Variants in BTAF1 observed in about 807,000 individuals in gnomAD.
BTAF1 encodes the protein B-TFIID TATA-box binding protein associated factor 1, also known as TATA-binding protein-associated factor 172.
BTAF1 carries 38 observed loss-of-function variants against 227.1 expected under a neutral mutation model. The ratio of observed to expected loss-of-function variants is 0.17; its 90% confidence interval spans 0.13 to 0.22. The LOEUF is 0.22. BTAF1 is among the 10% of genes least tolerant of loss of function. BTAF1 has a pLI of 1.00. For missense variants in BTAF1, 1,598 were observed against 2,204.0 expected (o/e 0.73, Z 5.51); for synonymous variants, 742 against 751.9 (o/e 0.99, Z 0.21).
rs763726970 is a variant in BTAF1, at chr10:92,018,783, G to T, written c.4711G>T (p.Ala1571Ser). ...ATATACTTTTTTTTTCCTCTTGAAG[G>T]CATTACAGTACTTACGTAAACTGTG... ...KLKATGHVFQ[A>S]LQYLRKLCNH... The change falls in exon 34 of 38, where the codon GCA becomes TCA. Residue 1571 changes from alanine to serine, a missense_variant and splice_region_variant. Coordinates refer to ENST00000265990, the MANE Select transcript of BTAF1 (RefSeq NM_003972.3). 1.3e-6 allele frequency: 2 copies of T among 1,530,070 alleles called. No homozygotes were observed. Among genetic ancestry groups the T allele is most frequent in the Admixed American group, 2.3e-5 (1 of 43,662 alleles). The allele number at this position is 1,530,070 out of a possible 1,614,324, so 94.8% of individuals were successfully genotyped here.
chr10:91,970,398 T>G (rs1260606290), intron 14 of BTAF1, among the ~76,000 whole-genome samples: 1 of 152,150 alleles, frequency 6.6e-6, no homozygotes, highest in African/African-American at 2.4e-5. Context: ...AGAAAGAGGT[T>G]TAATTGGACT....
chr10:91,924,457 T>C (rs927664588), intron 1 of BTAF1, among the ~76,000 whole-genome samples: 2 of 152,192 alleles, frequency 1.3e-5, no homozygotes, highest in African/African-American at 4.8e-5. Context: ...GAAAACTTGG[T>C]AGTTACTGTC....
intron 22 of BTAF1, 111 bp from the exon 23 acceptor site, chr10:91,994,424 A>G: frequency 1.5e-6 from 1 of 664,908 alleles, no homozygotes; most frequent in South Asian, 2.2e-5. Context: ...TTTTAACACT[A>G]AGAAGCAAAA....
chr10:92,003,417 G>T lies in BTAF1; in HGVS notation c.3661-4706G>T, dbSNP rs757044946. On this transcript the variant is annotated intron_variant, in intron 25 of 37. Transcript: ENST00000265990. ...TTCCCCTCAGTCCTCTCCCTTCCAC[G>T]CACTAAGCACCTAGTAACCACTATT... Among the ~76,000 whole-genome samples, 36 of 151,988 alleles carry T rather than the reference G, an allele frequency of 2.4e-4. 1 individual carries two copies. The highest frequency in any genetic ancestry group is 3.2e-4 in the Non-Finnish European group (22 of 67,988).
chr10:91,995,096 A>T (rs1010446631), intron 23 of BTAF1, among the ~76,000 whole-genome samples: 12 of 152,224 alleles, frequency 7.9e-5, no homozygotes, highest in Non-Finnish European at 1.3e-4. Flanking sequence ...GGATTTTTTT[A>T]AAAAACTATT....
At chr10:91,929,741 A>G (rs1425171170) in intron 1 of BTAF1, among the ~76,000 whole-genome samples, 1 of 151,998 alleles carries the variant, frequency 6.6e-6, no homozygotes, top group African/African-American at 2.4e-5. Context: ...TTTTTAATAG[A>G]GATGAGGTCT....
In BTAF1 at chr10:92,024,789, A is replaced by G. The variant is rs1283056880; in HGVS notation, c.4897A>G (p.Thr1633Ala). The G allele has an allele frequency of 2.0e-5, 32 of 1,610,546 alleles. No individual in the cohort carries two copies. The highest frequency in any genetic ancestry group is 2.7e-5 in the Non-Finnish European group (32 of 1,179,336). ...GGACTGCGGTTTGGGAAATGGCAGC[A>G]CTTCCGAGAGTGGCACAGAGTCTGT... ...LLDCGLGNGS[T>A]SESGTESVVA... is the part of the protein sequence containing the mutation. The change falls in exon 35 of 38, where the codon ACT becomes GCT. Residue 1633 changes from threonine (T) to alanine (A), a missense_variant. Thr to Ala is a moderately conservative substitution (Grantham distance 58). Transcript: ENST00000265990.
chr10:91,990,747 C>A (rs753309108), intron 20 of BTAF1, among the ~76,000 whole-genome samples: 9 of 151,656 alleles, frequency 5.9e-5, no homozygotes. Flanking sequence ...GAGCTGAGAT[C>A]GCGCCATTGT....
At chr10:91,942,680 T>G in intron 4 of BTAF1, 112 bp downstream of exon 4, 1 of 1,265,144 alleles carries the variant, frequency 7.9e-7, no homozygotes, top group South Asian at 1.6e-5. Context: ...GAAATGTAAA[T>G]TAACTGAAGT....
At position 91,980,578 on chromosome 10, in the gene BTAF1, G is replaced by A. The variant is rs377227167; in HGVS notation, c.1755+20G>A. 2 of 1,571,272 alleles carry A rather than the reference G, an allele frequency of 1.3e-6. No individual in the cohort carries two copies. Among genetic ancestry groups the A allele is most frequent in the Admixed American group, 1.7e-5 (1 of 59,450 alleles). On this transcript the variant is annotated intron_variant, in intron 15 of 37. Transcript: ENST00000265990. ...CACAAGGTACACAGCAAATGTATTT[G>A]TGTTCCTTTTCCTAGTAACTTTTGT...
intron 25 of BTAF1, among the ~76,000 whole-genome samples, chr10:92,007,222 T>TC (rs1312099054): frequency 4.4e-5 from 6 of 137,910 alleles, no homozygotes; most frequent in African/African-American, 1.6e-4. Flanking sequence ...TTTTTTTTTT[T>TC]TTTTTTTTTT....
At chr10:91,935,919 T>C in intron 2 of BTAF1, 139 bp downstream of exon 2, 1 of 869,694 alleles carries the variant, frequency 1.1e-6, no homozygotes, top group Non-Finnish European at 1.6e-6. Flanking sequence ...TCACAAGACT[T>C]AAACTTTTTT....
chr10:91,984,650 T>C (rs1848278684), intron 19 of BTAF1, among the ~76,000 whole-genome samples: 1 of 152,192 alleles, frequency 6.6e-6, no homozygotes, highest in African/African-American at 2.4e-5. Flanking sequence ...TAGAAAAAGC[T>C]ATTATATTTT....
chr10:92,001,159 A>T (rs1849501145), intron 25 of BTAF1, among the ~76,000 whole-genome samples: 1 of 152,232 alleles, frequency 6.6e-6, no homozygotes, highest in Non-Finnish European at 1.5e-5. Flanking sequence ...CTGGAGGCAT[A>T]GCACAGAGAA....
chr10:91,991,504 A>G (rs1848752923), intron 20 of BTAF1, among the ~76,000 whole-genome samples: 1 of 150,360 alleles, frequency 6.7e-6, no homozygotes, highest in Admixed American at 6.6e-5. Context: ...TAATCCCAGC[A>G]TTTTGGGAGG....
At chr10:92,015,166 A>C (rs1274719227) in intron 32 of BTAF1, among the ~76,000 whole-genome samples, 1 of 152,238 alleles carries the variant, frequency 6.6e-6, no homozygotes, top group Non-Finnish European at 1.5e-5. Context: ...GATTTTGTAC[A>C]TAAAGACCAT....
At chr10:91,951,357 ACTT>A in intron 4 of BTAF1, 43 bp from the exon 5 acceptor site, 4 of 1,574,768 alleles carry the variant, frequency 2.5e-6, no homozygotes, top group Non-Finnish European at 3.4e-6. Flanking sequence ...GTATTAGAAA[ACTT>A]CTTAACTGAT....
chr10:91,958,814 A>AT lies in BTAF1; in HGVS notation c.901-250dup, dbSNP rs556148861. On this transcript the variant is annotated intron_variant, in intron 8 of 37. Coordinates refer to ENST00000265990, the MANE Select transcript of BTAF1 (RefSeq NM_003972.3). ...AAGGGAGTGAAAGCAATGTGGATTT[A>AT]TATCTCAAAAGGATTTTAGAATAGC... Among the ~76,000 whole-genome samples the AT allele has an allele frequency of 1.4e-3, 220 of 152,368 alleles. 1 individual carries two copies. Among genetic ancestry groups the AT allele is most frequent in the African/African-American group, 5.0e-3 (207 of 41,584 alleles).
At chr10:91,976,768 G>A (rs367935771) in intron 14 of BTAF1, among the ~76,000 whole-genome samples, 21 of 152,248 alleles carry the variant, frequency 1.4e-4, no homozygotes, top group Middle Eastern at 6.8e-3. Flanking sequence ...TGGCCAGGAT[G>A]GATTTCAACA....
Sources: gnomAD v4.1 joint callset for allele counts (sites outside exome capture counted in the v4.1 genomes callset) on GRCh38, gnomAD v4.1.1 for gene constraint, MANE v1.5 for transcripts, NCBI Gene and HGNC (gene_info 2026-07-23, HGNC 2026-07-21) for gene names.